Variants in NBEA observed in about 807,000 individuals in gnomAD.
The protein encoded by NBEA is lysosomal-trafficking regulator 2.
NBEA carries 44 observed loss-of-function variants against 343.4 expected under a neutral mutation model. The ratio of observed to expected loss-of-function variants is 0.13; its 90% confidence interval spans 0.10 to 0.16. NBEA has a LOEUF of 0.16. Ranked by LOEUF, NBEA falls within the 10% of genes least tolerant of loss-of-function variation. NBEA has a pLI of 1.00. For synonymous variants in NBEA, 1,175 were observed against 1,238.7 expected (o/e 0.95, Z 1.08); for missense variants, 2,555 against 3,631.3 (o/e 0.70, Z 7.62).
intron 56 of NBEA, among the ~76,000 whole-genome samples, chr13:35,666,537 T>C (rs569832989): frequency 4.6e-5 from 7 of 152,312 alleles, no homozygotes; most frequent in Non-Finnish European, 7.4e-5. Context: ...AGGGCAAGTC[T>C]ATTACTTTAG....
chr13:34,953,225 C>A (rs994742605), intron 1 of NBEA, among the ~76,000 whole-genome samples: 3 of 152,076 alleles, frequency 2.0e-5, no homozygotes, highest in African/African-American at 7.2e-5. Flanking sequence ...CAAGTGTTTT[C>A]AACTCTGAAT....
At chr13:35,249,663 G>A (rs1327483230) in intron 34 of NBEA, among the ~76,000 whole-genome samples, 1 of 151,934 alleles carries the variant, frequency 6.6e-6, no homozygotes, top group Non-Finnish European at 1.5e-5. Flanking sequence ...AAAACAGTAT[G>A]GCATTTTGTC....
intron 33 of NBEA, among the ~76,000 whole-genome samples, chr13:35,218,029 C>A (rs1352229242): frequency 6.6e-6 from 1 of 151,968 alleles, no homozygotes; most frequent in Non-Finnish European, 1.5e-5. Context: ...CAGTCTCAGT[C>A]GTGTCAACTC....
intron 1 of NBEA, among the ~76,000 whole-genome samples, chr13:35,013,270 T>C (rs111231770): frequency 6.6e-6 from 1 of 152,138 alleles, no homozygotes; most frequent in Non-Finnish European, 1.5e-5. Context: ...CCCTGAGAGA[T>C]ATATCTAGCC....
intron 24 of NBEA, 84 bp from the exon 25 acceptor site, chr13:35,168,903 T>A: frequency 1.0e-6 from 1 of 974,086 alleles, no homozygotes; most frequent in Non-Finnish European, 1.4e-6. Flanking sequence ...TGTTTCAATT[T>A]TACATTGTAT....
intron 1 of NBEA, among the ~76,000 whole-genome samples, chr13:34,968,796 ATTTT>A (rs1194267169): frequency 1.3e-5 from 2 of 152,068 alleles, no homozygotes; most frequent in African/African-American, 4.8e-5. Context: ...GCACTAATAG[ATTTT>A]TTTAAGGTGC....
At chr13:35,198,901 A>G (rs565333803) in intron 31 of NBEA, among the ~76,000 whole-genome samples, 1 of 152,180 alleles carries the variant, frequency 6.6e-6, no homozygotes, top group African/African-American at 2.4e-5. Context: ...CACGGCAAAG[A>G]GTATTATTTT....
chr13:35,083,882 A>G (rs2064570776), intron 10 of NBEA, among the ~76,000 whole-genome samples: 1 of 152,158 alleles, frequency 6.6e-6, no homozygotes, highest in Non-Finnish European at 1.5e-5. Context: ...ATGGAGGAAG[A>G]TCTACCAAGC....
chr13:35,243,799 G>T (rs1348497800), intron 34 of NBEA, among the ~76,000 whole-genome samples: 3 of 151,854 alleles, frequency 2.0e-5, no homozygotes, highest in Non-Finnish European at 4.4e-5. Flanking sequence ...TGCAATAATC[G>T]TGGGAGACAT....
At chr13:35,281,145 A>G (rs1594063386) in intron 34 of NBEA, among the ~76,000 whole-genome samples, 2 of 152,216 alleles carry the variant, frequency 1.3e-5, no homozygotes, top group African/African-American at 4.8e-5. Flanking sequence ...TTGTGTATAT[A>G]GTCTTTGGCA....
At chr13:35,377,937 T>C (rs2041831167) in intron 38 of NBEA, among the ~76,000 whole-genome samples, 1 of 152,242 alleles carries the variant, frequency 6.6e-6, no homozygotes, top group South Asian at 2.1e-4. Flanking sequence ...TTCTTATTTA[T>C]TATTTTGATC....
intron 1 of NBEA, among the ~76,000 whole-genome samples, chr13:34,977,648 A>G (rs1282183430): frequency 2.0e-5 from 3 of 152,154 alleles, no homozygotes; most frequent in African/African-American, 7.2e-5. Flanking sequence ...AGATGCTAAC[A>G]TTAATCTGTA....
intron 47 of NBEA, among the ~76,000 whole-genome samples, chr13:35,597,483 C>T (rs1181365508): frequency 6.6e-6 from 1 of 152,076 alleles, no homozygotes; most frequent in African/African-American, 2.4e-5. Flanking sequence ...GTCTAATGTG[C>T]CTCTGTAGGA....
intron 34 of NBEA, among the ~76,000 whole-genome samples, chr13:35,249,828 A>G (rs1256787945): frequency 2.0e-5 from 3 of 152,218 alleles, no homozygotes; most frequent in African/African-American, 4.8e-5. Flanking sequence ...AAGCAACCCA[A>G]GTTTCTATCA....
chr13:35,502,627 G>C (rs533528809), intron 41 of NBEA, among the ~76,000 whole-genome samples: 1 of 151,980 alleles, frequency 6.6e-6, no homozygotes, highest in South Asian at 2.1e-4. Flanking sequence ...CTGGGGGTTT[G>C]TGGGTCTGTA....
chr13:35,223,314 T>C (rs933197603), intron 33 of NBEA, among the ~76,000 whole-genome samples: 1 of 152,234 alleles, frequency 6.6e-6, no homozygotes, highest in African/African-American at 2.4e-5. Flanking sequence ...AAAGTATTCG[T>C]AGTACAAAGT....
At chr13:35,461,551 G>C (rs1427016688) in intron 40 of NBEA, among the ~76,000 whole-genome samples, 1 of 152,074 alleles carries the variant, frequency 6.6e-6, no homozygotes, top group Non-Finnish European at 1.5e-5. Context: ...GAAAATATGT[G>C]GGTCATCTTG....
At chr13:35,290,576 A>T (rs966236533) in intron 35 of NBEA, 126 bp downstream of exon 35, 23 of 594,642 alleles carry the variant, frequency 3.9e-5, no homozygotes, top group Non-Finnish European at 5.9e-5. Context: ...TATCCCATAG[A>T]TGGAGAAAAT....
chr13:35,243,892 C>A (rs2030754620), intron 34 of NBEA, among the ~76,000 whole-genome samples: 1 of 151,864 alleles, frequency 6.6e-6, no homozygotes, highest in Non-Finnish European at 1.5e-5. Context: ...CACTATAGAT[C>A]AATTGGACTT....
Sources: allele counts gnomAD v4.1 joint callset (sites outside exome capture counted in the v4.1 genomes callset), GRCh38; gene constraint gnomAD v4.1.1; transcripts MANE v1.5; gene names NCBI Gene and HGNC (gene_info 2026-07-23, HGNC 2026-07-21).